GPC5: variants seen among roughly 807,000 people sequenced by gnomAD.
GPC5 encodes the protein glypican 5.
GPC5 carries 47 observed loss-of-function variants against 53.9 expected under a neutral mutation model. That is an observed-to-expected ratio of 0.87 (90% CI 0.69 to 1.11). The LOEUF is 1.11. GPC5 is among the 50% of genes most tolerant of loss of function. The probability of loss-of-function intolerance (pLI) is 0.00; values close to 1 mark genes in which losing one functional copy is unlikely to be tolerated. For missense variants in GPC5, 748 were observed against 713.1 expected (o/e 1.05, Z -0.56); for synonymous variants, 286 against 263.3 (o/e 1.09, Z -0.84).
At chr13:91,558,845 G>T (rs972449892) in intron 2 of GPC5, among the ~76,000 whole-genome samples, 1 of 152,024 alleles carries the variant, frequency 6.6e-6, no homozygotes, top group African/African-American at 2.4e-5. Context: ...TCATGAGGGG[G>T]TTGGACTTCC....
At chr13:92,260,775 A>G (rs1026438354) in intron 7 of GPC5, among the ~76,000 whole-genome samples, 1 of 152,150 alleles carries the variant, frequency 6.6e-6, no homozygotes, top group East Asian at 1.9e-4. Context: ...AGACTGATAA[A>G]ACATCCATCT....
chr13:92,739,727 A>G (rs1020705334), intron 7 of GPC5, among the ~76,000 whole-genome samples: 4 of 148,094 alleles, frequency 2.7e-5, no homozygotes, highest in Non-Finnish European at 5.9e-5. Context: ...AAGAAAAAAA[A>G]AGAGAGAGAG....
chr13:91,811,346 T>C (rs1421749312), intron 5 of GPC5, among the ~76,000 whole-genome samples: 3 of 152,080 alleles, frequency 2.0e-5, no homozygotes, highest in African/African-American at 7.2e-5. Flanking sequence ...ATCTGTAAGG[T>C]GTTTCTCTAA....
At chr13:92,366,916 T>C (rs1325833030) in intron 7 of GPC5, among the ~76,000 whole-genome samples, 2 of 152,248 alleles carry the variant, frequency 1.3e-5, no homozygotes, top group African/African-American at 4.8e-5. Flanking sequence ...AATTGACCTA[T>C]TGCAAAAATA....
intron 7 of GPC5, among the ~76,000 whole-genome samples, chr13:92,393,516 G>T (rs982196565): frequency 1.3e-5 from 2 of 152,166 alleles, no homozygotes; most frequent in Non-Finnish European, 1.5e-5. Flanking sequence ...GGGCATGGTG[G>T]TTCACTCCTG....
intron 6 of GPC5, among the ~76,000 whole-genome samples, chr13:91,930,125 C>G: frequency 6.6e-6 from 1 of 151,970 alleles, no homozygotes; most frequent in East Asian, 1.9e-4. Flanking sequence ...TTTCAAGATG[C>G]CCATCATAGG....
intron 6 of GPC5, among the ~76,000 whole-genome samples, chr13:92,114,078 G>A (rs770522232): frequency 1.3e-5 from 2 of 152,152 alleles, no homozygotes; most frequent in Non-Finnish European, 2.9e-5. Flanking sequence ...TTTATGTCAA[G>A]TAGCCATTTA....
chr13:92,565,474 C>T (rs748727065), intron 7 of GPC5, among the ~76,000 whole-genome samples: 3 of 152,024 alleles, frequency 2.0e-5, no homozygotes, highest in Non-Finnish European at 4.4e-5. Context: ...CCTTGGATGA[C>T]GTTGTCTCAC....
At chr13:92,841,531 T>G (rs1878428129) in intron 7 of GPC5, among the ~76,000 whole-genome samples, 1 of 152,122 alleles carries the variant, frequency 6.6e-6, no homozygotes, top group South Asian at 2.1e-4. Context: ...TAATTCTGAC[T>G]CCAAGATAGC....
intron 7 of GPC5, among the ~76,000 whole-genome samples, chr13:92,608,055 G>T (rs1445301027): frequency 6.6e-6 from 1 of 151,854 alleles, no homozygotes; most frequent in Non-Finnish European, 1.5e-5. Context: ...TTACTTTATT[G>T]TAAGAACACT....
intron 7 of GPC5, among the ~76,000 whole-genome samples, chr13:92,751,964 G>C (rs933461895): frequency 6.6e-6 from 1 of 151,184 alleles, no homozygotes; most frequent in Non-Finnish European, 1.5e-5. Flanking sequence ...GTAAAAAAAA[G>C]TTTTCATTTG....
At chr13:92,484,980 C>A (rs1435746233) in intron 7 of GPC5, among the ~76,000 whole-genome samples, 1 of 152,124 alleles carries the variant, frequency 6.6e-6, no homozygotes, top group Middle Eastern at 3.2e-3. Context: ...AAGTGATCCA[C>A]CTGCCTCGGC....
intron 2 of GPC5, among the ~76,000 whole-genome samples, chr13:91,572,151 G>A (rs1241133428): frequency 8.5e-5 from 11 of 129,476 alleles, no homozygotes; most frequent in East Asian, 4.5e-4. Flanking sequence ...GTATATATAC[G>A]TGTGTATACA....
chr13:91,675,902 A>C (rs1054861122), intron 2 of GPC5, among the ~76,000 whole-genome samples: 5 of 152,128 alleles, frequency 3.3e-5, no homozygotes, highest in Non-Finnish European at 5.9e-5. Context: ...AGAACATCGA[A>C]TATCTCACTC....
chr13:92,147,936 A>G (rs1262883122), intron 7 of GPC5, among the ~76,000 whole-genome samples: 1 of 152,080 alleles, frequency 6.6e-6, no homozygotes, highest in Admixed American at 6.6e-5. Flanking sequence ...ATATTGGTAA[A>G]GCAAGTTAAG....
chr13:91,961,561 A>T (rs572048820), intron 6 of GPC5, among the ~76,000 whole-genome samples: 13 of 152,020 alleles, frequency 8.6e-5, no homozygotes, highest in Non-Finnish European at 1.8e-4. Context: ...GCACATGTGT[A>T]ACAAAGGAAT....
intron 5 of GPC5, among the ~76,000 whole-genome samples, chr13:91,817,889 T>C (rs2038424911): frequency 6.6e-6 from 1 of 152,220 alleles, no homozygotes; most frequent in Non-Finnish European, 1.5e-5. Context: ...TTATGTAAAC[T>C]GTTCATGTAT....
intron 2 of GPC5, among the ~76,000 whole-genome samples, chr13:91,638,949 C>T (rs1172303101): frequency 6.6e-6 from 1 of 151,934 alleles, no homozygotes; most frequent in Non-Finnish European, 1.5e-5. Context: ...TTGAAAAATA[C>T]AAAAAGGCAA....
At chr13:92,413,929 T>A (rs1876164930) in intron 7 of GPC5, among the ~76,000 whole-genome samples, 1 of 152,234 alleles carries the variant, frequency 6.6e-6, no homozygotes, top group African/African-American at 2.4e-5. Flanking sequence ...TGACATAATC[T>A]ATCAAAATTT....
Sources: gnomAD v4.1 joint callset for allele counts (sites outside exome capture counted in the v4.1 genomes callset) on GRCh38, gnomAD v4.1.1 for gene constraint, MANE v1.5 for transcripts, NCBI Gene and HGNC (gene_info 2026-07-23, HGNC 2026-07-21) for gene names.